SLC7A11: variants seen among roughly 807,000 people sequenced by gnomAD.
SLC7A11 encodes the protein solute carrier family 7 member 11, also known as cystine/glutamate transporter.
Under a neutral mutation model 54.5 loss-of-function variants are expected in SLC7A11, and 35 were observed. The observed-to-expected ratio is 0.64, with a 90% CI of 0.49 to 0.85. SLC7A11 has a LOEUF of 0.85. SLC7A11 is among the 40% of genes least tolerant of loss of function. The probability of loss-of-function intolerance (pLI) is 0.00; values close to 1 mark genes in which losing one functional copy is unlikely to be tolerated. For synonymous variants in SLC7A11, 230 were observed against 225.2 expected (o/e 1.02, Z -0.19); for missense variants, 583 against 618.1 (o/e 0.94, Z 0.60).
intron 3 of SLC7A11, among the ~76,000 whole-genome samples, chr4:138,223,606 G>T (rs1200366007): frequency 6.6e-6 from 1 of 152,108 alleles, no homozygotes; most frequent in East Asian, 1.9e-4. Context: ...TGTAAGAGTG[G>T]ACATATATTG....
At chr4:138,197,799 T>C (rs928437285) in intron 6 of SLC7A11, among the ~76,000 whole-genome samples, 1 of 151,780 alleles carries the variant, frequency 6.6e-6, no homozygotes, top group Non-Finnish European at 1.5e-5. Context: ...TACAAACTTT[T>C]AATAAAATTA....
chr4:138,210,100 A>G (rs1163745068), intron 6 of SLC7A11, among the ~76,000 whole-genome samples: 1 of 151,944 alleles, frequency 6.6e-6, no homozygotes, highest in African/African-American at 2.4e-5. Flanking sequence ...CACACCTACA[A>G]CCATATGATC....
At chr4:138,187,612 T>C (rs1237109138) in intron 6 of SLC7A11, among the ~76,000 whole-genome samples, 1 of 152,192 alleles carries the variant, frequency 6.6e-6, no homozygotes, top group Admixed American at 6.6e-5. Context: ...AAAATCATGG[T>C]TGTTTAATAT....
At chr4:138,203,335 C>T (rs1430419145) in intron 6 of SLC7A11, among the ~76,000 whole-genome samples, 1 of 152,056 alleles carries the variant, frequency 6.6e-6, no homozygotes, top group Admixed American at 6.6e-5. Context: ...TAACCAAATT[C>T]TCATTTCAAT....
intron 6 of SLC7A11, among the ~76,000 whole-genome samples, chr4:138,198,733 A>G (rs532920591): frequency 1.3e-5 from 2 of 152,204 alleles, no homozygotes; most frequent in Non-Finnish European, 2.9e-5. Flanking sequence ...TATGAAATGT[A>G]TAATCCAGAA....
intron 1 of SLC7A11, among the ~76,000 whole-genome samples, chr4:138,239,752 C>T (rs1284167874): frequency 6.6e-6 from 1 of 152,158 alleles, no homozygotes; most frequent in Non-Finnish European, 1.5e-5. Flanking sequence ...CAAGTCAACA[C>T]ACTTTAACTA....
At chr4:138,182,548 A>G (rs1017137763) in intron 8 of SLC7A11, among the ~76,000 whole-genome samples, 155 bp from the exon 9 acceptor site, 2 of 152,144 alleles carry the variant, frequency 1.3e-5, no homozygotes, top group Non-Finnish European at 2.9e-5. Flanking sequence ...TAAGGTGGAG[A>G]AATATCATAG....
chr4:138,167,473 T>G lies in SLC7A11; in HGVS notation c.*4483A>C, dbSNP rs1736298385. The G allele has an allele frequency of 6.6e-6, 1 of 152,112 alleles. No homozygotes were observed. The highest frequency in any genetic ancestry group is 1.5e-5 in the Non-Finnish European group (1 of 68,008). 9.4% of individuals were successfully genotyped at this position (152,112 alleles called of 1,614,324 possible). A position where few individuals can be genotyped will look rare whatever the true frequency, so the allele number is the denominator to read the frequency against. ...GACCTATTTAAAAATCTTTTTGAAG[T>G]ACAGTACTAATAAACTAAGGACTAC... On this transcript the variant is annotated 3_prime_UTR_variant, in exon 12 of 12. Coordinates refer to ENST00000280612, the MANE Select transcript of SLC7A11 (RefSeq NM_014331.4).
At chr4:138,186,018 G>A (rs1056374335) in intron 6 of SLC7A11, among the ~76,000 whole-genome samples, 2 of 152,062 alleles carry the variant, frequency 1.3e-5, no homozygotes, top group East Asian at 1.9e-4. Flanking sequence ...TGTGAAGTAC[G>A]GACGACCGGA....
chr4:138,214,608 A>G lies in SLC7A11; in HGVS notation c.768T>C (p.Thr256=). ...ACTTTTCAGGGTTTTCTACTTCTTC[A>G]GTAACAAAGTTGAGGTAAAACCTAA... ...YAGWFYLNFV[T]EEVENPEKTI... The change falls in exon 6 of 12, where the codon ACT becomes ACC. Residue 256 remains threonine, a synonymous_variant. Coordinates refer to ENST00000280612, the MANE Select transcript of SLC7A11 (RefSeq NM_014331.4). The G allele has an allele frequency of 7.0e-7, 1 of 1,432,670 alleles. No individual in the cohort carries two copies. Among genetic ancestry groups the G allele is most frequent in the Non-Finnish European group, 9.5e-7 (1 of 1,053,902 alleles). 88.7% of individuals were successfully genotyped at this position (1,432,670 alleles called of 1,614,324 possible). A position where few individuals can be genotyped will look rare whatever the true frequency, so the allele number is the denominator to read the frequency against.
At chr4:138,232,846 C>T (rs1738114216) in intron 2 of SLC7A11, among the ~76,000 whole-genome samples, 1 of 152,056 alleles carries the variant, frequency 6.6e-6, no homozygotes, top group African/African-American at 2.4e-5. Flanking sequence ...TTAAGTGTTC[C>T]CTGCAAATAC....
chr4:138,178,748 T>G (rs1349523017), intron 11 of SLC7A11, among the ~76,000 whole-genome samples: 1 of 152,166 alleles, frequency 6.6e-6, no homozygotes, highest in African/African-American at 2.4e-5. Flanking sequence ...CTTGTTATTA[T>G]AATCCTTCAT....
intron 3 of SLC7A11, among the ~76,000 whole-genome samples, chr4:138,230,186 T>C (rs1212745279): frequency 1.3e-5 from 2 of 152,156 alleles, no homozygotes; most frequent in Admixed American, 1.3e-4. Context: ...CTGCATGTTT[T>C]CACGTATAAG....
At chr4:138,206,232 C>G (rs1281682608) in intron 6 of SLC7A11, among the ~76,000 whole-genome samples, 1 of 151,594 alleles carries the variant, frequency 6.6e-6, no homozygotes, top group African/African-American at 2.4e-5. Flanking sequence ...CTCTCTCTCT[C>G]TGTCTCTCTC....
At chr4:138,238,726 A>G (rs1368057792) in intron 1 of SLC7A11, among the ~76,000 whole-genome samples, 4 of 152,018 alleles carry the variant, frequency 2.6e-5, no homozygotes, top group African/African-American at 9.7e-5. Flanking sequence ...CAGCCTCCCA[A>G]GTAGCTGGGA....
rs1736328844 is a variant in SLC7A11, at chr4:138,168,643, A to C, written c.*3313T>G. 1 of 152,196 alleles carries C rather than the reference A, an allele frequency of 6.6e-6. No individual in the cohort carries two copies. The highest frequency in any genetic ancestry group is 2.4e-5 in the African/African-American group (1 of 41,452). The allele number at this position is 152,196 out of a possible 1,614,324, so 9.4% of individuals were successfully genotyped here. ...GAACAGGAAATCTGTTTCAACGTGA[A>C]TATCTTAGTGTTGGAGAAACCGTCA... On this transcript the variant is annotated 3_prime_UTR_variant, in exon 12 of 12. Transcript: ENST00000280612.
rs986988834 is a variant in SLC7A11, at chr4:138,166,014, CAT to C, written c.*5940_*5941del. 1 of 152,092 alleles carries C rather than the reference CAT, an allele frequency of 6.6e-6. No individual in the cohort carries two copies. The highest frequency in any genetic ancestry group is 2.4e-5 in the African/African-American group (1 of 41,412). The allele number at this position is 152,092 out of a possible 1,614,324, so 9.4% of individuals were successfully genotyped here. A position where few individuals can be genotyped will look rare whatever the true frequency, so the allele number is the denominator to read the frequency against. On this transcript the variant is annotated 3_prime_UTR_variant, in exon 12 of 12. Coordinates refer to ENST00000280612, the MANE Select transcript of SLC7A11 (RefSeq NM_014331.4). ...ATAATTCATATACACAGTCATTTAA[CAT>C]AGATCGTTTCTAGTCGAGTATGAGC...
intron 4 of SLC7A11, among the ~76,000 whole-genome samples, chr4:138,222,007 T>C (rs1737824578): frequency 6.6e-6 from 1 of 152,198 alleles, no homozygotes; most frequent in Non-Finnish European, 1.5e-5. Flanking sequence ...ACGAATAAGA[T>C]AGAAATGAGC....
At chr4:138,213,264 A>T (rs971481630) in intron 6 of SLC7A11, among the ~76,000 whole-genome samples, 2 of 151,316 alleles carry the variant, frequency 1.3e-5, no homozygotes, top group African/African-American at 2.5e-5. Context: ...TCACATGTTT[A>T]AATTACATAT....
Sources: gnomAD v4.1 joint callset for allele counts (sites outside exome capture counted in the v4.1 genomes callset) on GRCh38, gnomAD v4.1.1 for gene constraint, MANE v1.5 for transcripts, NCBI Gene and HGNC (gene_info 2026-07-23, HGNC 2026-07-21) for gene names.